The following ERBB4 variants were observed in gnomAD, a reference collection of about 807,000 sequenced individuals.
ERBB4 encodes receptor tyrosine-protein kinase erbB-4.
A neutral mutation model predicts 158.0 loss-of-function variants in ERBB4; 42 were observed. The ratio of observed to expected loss-of-function variants is 0.27; its 90% CI spans 0.21 to 0.34. The LOEUF (loss-of-function observed/expected upper bound fraction) is 0.34, where lower values mean the gene tolerates loss of function less well. Ranked by LOEUF, ERBB4 falls within the 10% of genes least tolerant of loss-of-function variation. The pLI is 1.00. For missense variants in ERBB4, 1,333 were observed against 1,624.1 expected (o/e 0.82, Z 3.08); for synonymous variants, 583 against 558.7 (o/e 1.04, Z -0.61).
chr2:211,818,503 G>A (rs997602718), intron 3 of ERBB4, among the ~76,000 whole-genome samples: 1 of 151,870 alleles, frequency 6.6e-6, no homozygotes, highest in Non-Finnish European at 1.5e-5. Context: ...GGGGCAGAAG[G>A]GTATTCCAAT....
At chr2:211,932,447 T>A (rs1279736515) in intron 3 of ERBB4, among the ~76,000 whole-genome samples, 6 of 152,050 alleles carry the variant, frequency 3.9e-5, no homozygotes, top group Non-Finnish European at 7.4e-5. Flanking sequence ...TGTCAACTGT[T>A]TGCCCTTTGT....
At chr2:211,991,616 T>C (rs1267974206) in intron 2 of ERBB4, among the ~76,000 whole-genome samples, 1 of 152,140 alleles carries the variant, frequency 6.6e-6, no homozygotes, top group Non-Finnish European at 1.5e-5. Flanking sequence ...ACTTAGAAGG[T>C]AAATCCAGGG....
At chr2:211,918,290 T>C (rs191197228) in intron 3 of ERBB4, among the ~76,000 whole-genome samples, 184 of 152,316 alleles carry the variant, frequency 1.2e-3, no homozygotes, top group African/African-American at 4.2e-3. Flanking sequence ...AGTGAGGAAA[T>C]GGGCAAGGAA....
At chr2:211,473,856 A>G (rs1301421378) in intron 20 of ERBB4, among the ~76,000 whole-genome samples, 2 of 152,054 alleles carry the variant, frequency 1.3e-5, no homozygotes, top group African/African-American at 2.4e-5. Context: ...TGGTATATAA[A>G]TACCAAATTG....
chr2:212,474,367 C>T (rs887219615), intron 1 of ERBB4, among the ~76,000 whole-genome samples: 3 of 152,122 alleles, frequency 2.0e-5, no homozygotes, highest in Admixed American at 1.3e-4. Context: ...GTGACACTGA[C>T]TGTGCCTGTC....
At chr2:211,991,844 G>A (rs562298383) in intron 2 of ERBB4, among the ~76,000 whole-genome samples, 1 of 152,266 alleles carries the variant, frequency 6.6e-6, no homozygotes, top group Admixed American at 6.5e-5. Context: ...GTCTTCGGCT[G>A]AGTTGGTGTC....
chr2:212,318,390 G>T (rs73068268), intron 1 of ERBB4, among the ~76,000 whole-genome samples: 1 of 151,486 alleles, frequency 6.6e-6, no homozygotes, highest in Non-Finnish European at 1.5e-5. Flanking sequence ...AATGAGGAAA[G>T]AACTTTTTCC....
intron 4 of ERBB4, among the ~76,000 whole-genome samples, chr2:211,752,702 T>G (rs1015162115): frequency 6.6e-5 from 10 of 152,298 alleles, no homozygotes; most frequent in Non-Finnish European, 1.2e-4. Flanking sequence ...CCCAGACATC[T>G]GCTCCCAGAT....
At position 211,568,279 on chromosome 2, in the gene ERBB4, A is replaced by G. The variant is rs573641156; in HGVS notation, c.2302-6191T>C. ...CTGGTGTAAATAAGGTCTTTTTAAA[A>G]AAACCATCAAGGGACTACTGAGGTA... On this transcript the variant is annotated intron_variant, in intron 19 of 27. Transcript: ENST00000342788. 2.8e-3 allele frequency among the ~76,000 whole-genome samples: 421 copies of G among 152,252 alleles called. 3 individuals are homozygous for G. Among genetic ancestry groups the G allele is most frequent in the African/African-American group, 9.6e-3 (401 of 41,570 alleles).
chr2:211,461,555 A>C (rs1197001492), intron 20 of ERBB4, among the ~76,000 whole-genome samples: 1 of 152,086 alleles, frequency 6.6e-6, no homozygotes, highest in Non-Finnish European at 1.5e-5. Flanking sequence ...CCTCTAAGAA[A>C]ATATTTTTTC....
chr2:211,484,379 A>C (rs1049684824), intron 20 of ERBB4, among the ~76,000 whole-genome samples: 6 of 152,224 alleles, frequency 3.9e-5, no homozygotes, highest in Non-Finnish European at 8.8e-5. Context: ...AGTTACATCA[A>C]TGATCACATT....
At chr2:212,217,756 G>A (rs558096135) in intron 1 of ERBB4, among the ~76,000 whole-genome samples, 2 of 151,400 alleles carry the variant, frequency 1.3e-5, no homozygotes, top group South Asian at 4.2e-4. Context: ...TGGTCATTTT[G>A]TTGAGTCTTG....
chr2:211,946,085 A>G (rs533963987), intron 3 of ERBB4, among the ~76,000 whole-genome samples: 1 of 152,096 alleles, frequency 6.6e-6, no homozygotes, highest in Non-Finnish European at 1.5e-5. Context: ...AAAAAACTCC[A>G]TTCTTCAGTA....
chr2:211,972,781 A>G (rs1334454026), intron 2 of ERBB4, among the ~76,000 whole-genome samples: 2 of 152,202 alleles, frequency 1.3e-5, no homozygotes, highest in African/African-American at 4.8e-5. Context: ...TTTAAATGTA[A>G]AACTTGAAAC....
chr2:211,394,440 A>G (rs6733133), intron 25 of ERBB4, among the ~76,000 whole-genome samples: 6,794 of 152,172 alleles, frequency 0.045, 350 homozygotes, highest in African/African-American at 0.12. Flanking sequence ...GCATGTTGTC[A>G]TAATTGAACC....
At chr2:211,935,163 T>A (rs1193826904) in intron 3 of ERBB4, among the ~76,000 whole-genome samples, 1 of 152,182 alleles carries the variant, frequency 6.6e-6, no homozygotes, top group East Asian at 1.9e-4. Flanking sequence ...TATTACTTAA[T>A]ATTTTTAAGT....
intron 25 of ERBB4, among the ~76,000 whole-genome samples, chr2:211,418,262 T>C (rs952957241): frequency 6.6e-5 from 10 of 152,122 alleles, no homozygotes; most frequent in Non-Finnish European, 1.0e-4. Context: ...AATTCAGCCA[T>C]GTAGGAAAGA....
intron 13 of ERBB4, among the ~76,000 whole-genome samples, chr2:211,673,732 A>G (rs181001218): frequency 3.9e-5 from 6 of 152,096 alleles, no homozygotes. Flanking sequence ...AAGACTCTTC[A>G]ATTTATTTTT....
chr2:212,205,426 TA>T (rs1351343030), intron 1 of ERBB4, among the ~76,000 whole-genome samples: 1 of 152,164 alleles, frequency 6.6e-6, no homozygotes, highest in African/African-American at 2.4e-5. Context: ...CAGAAAAAAG[TA>T]AAAGCACTAG....
Sources: allele counts gnomAD v4.1 joint callset (sites outside exome capture counted in the v4.1 genomes callset), GRCh38; gene constraint gnomAD v4.1.1; transcripts MANE v1.5; gene names NCBI Gene and HGNC (gene_info 2026-07-23, HGNC 2026-07-21).